Variants in PPARGC1A observed in about 807,000 individuals in gnomAD.
PPARGC1A encodes the protein peroxisome proliferator-activated receptor gamma coactivator 1-alpha.
Under a neutral mutation model 88.7 loss-of-function variants are expected in PPARGC1A, and 25 were observed. The ratio of observed to expected loss-of-function variants is 0.28; its 90% CI spans 0.21 to 0.39. The LOEUF is 0.39. Ranked by LOEUF, PPARGC1A falls within the 10% of genes least tolerant of loss-of-function variation. The pLI, the probability that PPARGC1A is intolerant of heterozygous loss-of-function variation, is 1.00. For synonymous variants in PPARGC1A, 363 were observed against 355.6 expected (o/e 1.02, Z -0.24); for missense variants, 880 against 968.7 (o/e 0.91, Z 1.22).
chr4:24,340,026 C>T, the PPARGC1A span, among the ~76,000 whole-genome samples: 124 of 152,168 alleles, frequency 8.1e-4, 1 homozygote, highest in East Asian at 0.017. Context: ...CGTGAGCCAC[C>T]GTGCCCGGCC....
At chr4:23,837,747 C>T (rs763720006) in intron 2 of PPARGC1A, among the ~76,000 whole-genome samples, 4 of 152,100 alleles carry the variant, frequency 2.6e-5, no homozygotes, top group African/African-American at 4.8e-5. Flanking sequence ...TTATTGGTTC[C>T]GCTAGGCCCC....
At chr4:24,424,157 G>A in the PPARGC1A span, among the ~76,000 whole-genome samples, 4 of 149,286 alleles carry the variant, frequency 2.7e-5, no homozygotes, top group Admixed American at 6.7e-5. Context: ...CACTTCTAGA[G>A]CTGACTTTCT....
At chr4:24,332,076 A>G in the PPARGC1A span, among the ~76,000 whole-genome samples, 1 of 150,280 alleles carries the variant, frequency 6.7e-6, no homozygotes, top group South Asian at 2.1e-4. Flanking sequence ...TGTCCAAACC[A>G]TTTTTCACAA....
the PPARGC1A span, among the ~76,000 whole-genome samples, chr4:24,244,778 A>G: frequency 1.8e-4 from 27 of 152,330 alleles, no homozygotes; most frequent in Admixed American, 3.3e-4. Flanking sequence ...AGCCCCCACA[A>G]CAAAGAACTA....
chr4:23,912,064 T>C, the PPARGC1A span, among the ~76,000 whole-genome samples: 1 of 152,174 alleles, frequency 6.6e-6, no homozygotes, highest in African/African-American at 2.4e-5. Flanking sequence ...ATATCCAATA[T>C]GAGAAATGAA....
the PPARGC1A span, among the ~76,000 whole-genome samples, chr4:24,470,694 C>T: frequency 6.6e-6 from 1 of 151,328 alleles, no homozygotes; most frequent in Non-Finnish European, 1.5e-5. The surrounding 1 kb of genome is among the most constrained non-coding windows in gnomAD (Gnocchi z 5.8). Context: ...GCGTACTTCC[C>T]GGGGGCAGCC....
chr4:23,849,979 A>G (rs1164163959), intron 2 of PPARGC1A, among the ~76,000 whole-genome samples: 1 of 152,162 alleles, frequency 6.6e-6, no homozygotes, highest in Non-Finnish European at 1.5e-5. Flanking sequence ...AAAAAAATAG[A>G]CAAAAATGAA....
chr4:24,164,979 T>A, the PPARGC1A span, among the ~76,000 whole-genome samples: 5 of 152,122 alleles, frequency 3.3e-5, no homozygotes, highest in African/African-American at 1.2e-4. Flanking sequence ...GGGGGACGAT[T>A]CAAAGTCCCT....
chr4:24,052,479 A>C, the PPARGC1A span, among the ~76,000 whole-genome samples: 1 of 151,872 alleles, frequency 6.6e-6, no homozygotes, highest in African/African-American at 2.4e-5. Flanking sequence ...TTTACTAAAA[A>C]CACAAAAATT....
chr4:24,264,095 G>T, the PPARGC1A span, among the ~76,000 whole-genome samples: 2 of 151,928 alleles, frequency 1.3e-5, no homozygotes, highest in African/African-American at 4.8e-5. Context: ...TTACCTTATT[G>T]TAAGAATAAA....
chr4:24,254,252 C>T, the PPARGC1A span, among the ~76,000 whole-genome samples: 2 of 152,118 alleles, frequency 1.3e-5, no homozygotes, highest in Non-Finnish European at 2.9e-5. Flanking sequence ...GACATAGGTG[C>T]TAAGATTCTC....
chr4:24,436,837 C>T, the PPARGC1A span, among the ~76,000 whole-genome samples: 15 of 150,182 alleles, frequency 1.0e-4, no homozygotes, highest in Non-Finnish European at 1.3e-4. Context: ...GAGCTGACAT[C>T]GATTGGCCAC....
At chr4:24,417,765 C>T in the PPARGC1A span, among the ~76,000 whole-genome samples, 1 of 152,044 alleles carries the variant, frequency 6.6e-6, no homozygotes, top group South Asian at 2.1e-4. Context: ...AATTATAAAA[C>T]ATGATCTTTT....
the PPARGC1A span, among the ~76,000 whole-genome samples, chr4:23,994,397 G>C: frequency 2.0e-5 from 3 of 152,074 alleles, no homozygotes; most frequent in Non-Finnish European, 2.9e-5. Flanking sequence ...GAAAGCCTTC[G>C]AGGGGTTTGA....
the PPARGC1A span, among the ~76,000 whole-genome samples, chr4:23,985,579 A>G: frequency 6.7e-6 from 1 of 149,514 alleles, no homozygotes; most frequent in Admixed American, 6.7e-5. Flanking sequence ...GCAGAGATAA[A>G]GGCACATCCA....
At chr4:23,897,644 G>A (rs1415991332) in intron 1 of PPARGC1A, among the ~76,000 whole-genome samples, 1 of 58,092 alleles carries the variant, frequency 1.7e-5, no homozygotes, top group Non-Finnish European at 4.2e-5. Context: ...AAAGGCAACT[G>A]GCGCTCAGTG....
chr4:24,161,831 C>T, the PPARGC1A span, among the ~76,000 whole-genome samples: 1 of 152,084 alleles, frequency 6.6e-6, no homozygotes, highest in African/African-American at 2.4e-5. Context: ...ATAACTCTTT[C>T]ACTTGTGAAG....
chr4:24,133,750 C>CG, the PPARGC1A span, among the ~76,000 whole-genome samples: 2 of 152,160 alleles, frequency 1.3e-5, no homozygotes, highest in Non-Finnish European at 2.9e-5. Context: ...CACAAGGGGA[C>CG]ATTATTCAGC....
At chr4:24,149,613 G>A in the PPARGC1A span, among the ~76,000 whole-genome samples, 5 of 152,070 alleles carry the variant, frequency 3.3e-5, no homozygotes, top group African/African-American at 1.2e-4. Context: ...AATGAGCTGT[G>A]CAGTTTGTAA....
Sources: allele counts gnomAD v4.1 joint callset (sites outside exome capture counted in the v4.1 genomes callset), GRCh38; gene constraint gnomAD v4.1.1; non-coding constraint Gnocchi (gnomAD v3.1); transcripts MANE v1.5; gene names NCBI Gene and HGNC (gene_info 2026-07-23, HGNC 2026-07-21).